Variants in ADGRD2 observed in about 807,000 individuals in gnomAD.
ADGRD2 encodes the protein G protein-coupled receptor PGR24.
Under a neutral mutation model 44.4 loss-of-function variants are expected in ADGRD2, and 71 were observed. The observed-to-expected ratio is 1.60, with a 90% confidence interval of 1.32 to 1.95. ADGRD2 has a LOEUF of 1.95. Among genes scored for constraint, ADGRD2 ranks in the 30% most tolerant of loss-of-function variants. The pLI is 0.00. For missense variants in ADGRD2, 1,039 were observed against 512.4 expected, an observed-to-expected ratio of 2.03 and a Z score of -9.92; for synonymous variants, 481 against 224.8, an observed-to-expected ratio of 2.14 and a Z score of -10.19.
At chr9:124,464,407 C>T (rs1004736686) in intron 10 of ADGRD2, among the ~76,000 whole-genome samples, 6 of 152,190 alleles carry the variant, frequency 3.9e-5, no homozygotes, top group African/African-American at 7.2e-5. Flanking sequence ...CAAAGCATGG[C>T]GCTGCGTAAT....
chr9:124,475,674 C>A (rs1054254185), intron 19 of ADGRD2, 59 bp downstream of exon 22: 23 of 593,676 alleles, frequency 3.9e-5, no homozygotes, highest in Admixed American at 6.3e-5. Context: ...CAGGTCCCAG[C>A]CCCCATATCC....
chr9:124,475,160 C>T (rs1167633375), intron 17 of ADGRD2, among the ~76,000 whole-genome samples: 3 of 152,246 alleles, frequency 2.0e-5, no homozygotes, highest in African/African-American at 7.2e-5. Flanking sequence ...ACAGGCCCAG[C>T]GTGGGGCACA....
At chr9:124,463,110 C>T (rs1389727173) in intron 10 of ADGRD2, among the ~76,000 whole-genome samples, 3 of 152,202 alleles carry the variant, frequency 2.0e-5, no homozygotes, top group Non-Finnish European at 4.4e-5. Context: ...CAGACTTTCA[C>T]CACTAAATGC....
upstream of ADGRD2, among the ~76,000 whole-genome samples, chr9:124,450,942 C>T (rs988316771): frequency 2.0e-5 from 3 of 152,220 alleles, no homozygotes; most frequent in African/African-American, 7.2e-5. Flanking sequence ...CTCTTCCCTG[C>T]CTGCAGAGCC....
intron 21 of ADGRD2, 149 bp from the exon 25 acceptor site, chr9:124,478,132 T>G (rs1171941019): frequency 6.6e-6 from 1 of 152,366 alleles, no homozygotes; most frequent in Non-Finnish European, 1.5e-5. Context: ...CCTCAGGGCA[T>G]GCGGATGTTC....
intron 17 of ADGRD2, among the ~76,000 whole-genome samples, chr9:124,472,911 G>A (rs562857100): frequency 5.3e-5 from 8 of 152,318 alleles, no homozygotes; most frequent in East Asian, 3.9e-4. Context: ...ACGGTCACCC[G>A]GTGAAGGCAA....
At chr9:124,451,634 C>G, upstream of ADGRD2, 1 of 270,400 alleles carries the variant, frequency 3.7e-6, no homozygotes, top group Non-Finnish European at 7.2e-6. Flanking sequence ...CCTGTGACCC[C>G]TGCTGTCTGT....
intron 11 of ADGRD2, 56 bp from the exon 15 acceptor site, chr9:124,467,665 C>A: frequency 1.4e-6 from 1 of 712,630 alleles, no homozygotes; most frequent in South Asian, 1.5e-5. Flanking sequence ...GGGGCGAGTT[C>A]TGGCCTGGGT....
chr9:124,453,145 C>CGG lies in ADGRD2; in HGVS notation c.392_393insGG (p.Gln132ArgfsTer134). On this transcript the variant is annotated frameshift_variant, in exon 3 of 22. Transcript: ENST00000334810. LOFTEE classifies it high-confidence loss of function. The stretch of plus-strand genomic sequence containing the variant: ...AGCGCTGACCGCGTGTACTCACGTG[C>CGG]AGTGGGACTGTGCCTCGCCCGACCC... The CGG allele has an allele frequency of 1.4e-6, 1 of 701,594 alleles. No individual in the cohort carries two copies. Among genetic ancestry groups the CGG allele is most frequent in the South Asian group, 1.5e-5 (1 of 67,484 alleles). The allele number at this position is 701,594 out of a possible 1,614,324, so 43.5% of individuals were successfully genotyped here. A position where few individuals can be genotyped will look rare whatever the true frequency, so the allele number is the denominator to read the frequency against.
chr9:124,477,690 T>G (rs1832073492), intron 21 of ADGRD2, among the ~76,000 whole-genome samples: 1 of 152,016 alleles, frequency 6.6e-6, no homozygotes, highest in Non-Finnish European at 1.5e-5. Context: ...CCAGCCCCCA[T>G]CCCCGGCTGG....
chr9:124,475,545 A>G (rs1394007087), intron 18 of ADGRD2, 26 bp from the exon 22 acceptor site: 1 of 715,614 alleles, frequency 1.4e-6, no homozygotes, highest in Non-Finnish European at 2.6e-6. Flanking sequence ...GAGGGTCCCC[A>G]GCCTGACCTC....
chr9:124,471,578 A>C (rs1316752830), intron 17 of ADGRD2, among the ~76,000 whole-genome samples: 1 of 152,156 alleles, frequency 6.6e-6, no homozygotes, highest in African/African-American at 2.4e-5. Flanking sequence ...AGACCTCATG[A>C]GGTCACTTGC....
intron 10 of ADGRD2, among the ~76,000 whole-genome samples, chr9:124,464,089 C>T (rs1831768344): frequency 6.6e-6 from 1 of 152,036 alleles, no homozygotes. Flanking sequence ...ATCCTCCTGC[C>T]TCAGCCTCCC....
chr9:124,462,693 ACTGTTCATTG>A lies in ADGRD2; in HGVS notation c.1871-3562_1871-3553del, dbSNP rs1433938730. Among the ~76,000 whole-genome samples the A allele has an allele frequency of 2.0e-5, 3 of 152,332 alleles. No homozygotes were observed. In the South Asian group the frequency reaches 6.2e-4, roughly 32 times the overall value. ...AATGATATTGTTTTCTTAATTTTAA[ACTGTTCATTG>A]CTAGTATATAGTAATATAATTGATT... On this transcript the variant is annotated intron_variant, in intron 10 of 21. Transcript: ENST00000334810.
intron 12 of ADGRD2, 98 bp from the exon 16 acceptor site, chr9:124,467,990 C>T (rs1299584792): frequency 2.8e-6 from 2 of 710,702 alleles, no homozygotes; most frequent in Middle Eastern, 2.3e-4. Flanking sequence ...TCTTTCCCTC[C>T]ATCTGCCCAG....
At chr9:124,451,766 T>G, upstream of ADGRD2, 2 of 298,744 alleles carry the variant, frequency 6.7e-6, no homozygotes, top group Non-Finnish European at 6.4e-6. Flanking sequence ...GCTTCAAGGG[T>G]TCCAAGTGGC....
At chr9:124,464,114 C>T (rs908815105) in intron 10 of ADGRD2, among the ~76,000 whole-genome samples, 1 of 151,890 alleles carries the variant, frequency 6.6e-6, no homozygotes, top group African/African-American at 2.4e-5. Flanking sequence ...TGAGCCACCA[C>T]GCCCAGCCTT....
Position 124,477,031 on chromosome 9 carries a change from C to A in ADGRD2, c.*18+322C>A, listed in dbSNP as rs150427689. The A allele has an allele frequency of 2.2e-3, 1,365 of 616,122 alleles. 27 individuals carry two copies. The East Asian group carries it at 0.03, about 13-fold the overall frequency. The allele number at this position is 616,122 out of a possible 1,614,324, so 38.2% of individuals were successfully genotyped here. On this transcript the variant is annotated intron_variant, in intron 21 of 21. Coordinates refer to ENST00000334810, the Ensembl canonical transcript of ADGRD2. ...CTGCCAAGGAGCACAGCCTGCCTTTCTCTGTCCTCCCCCTCTTTCTGCCCC... is the reference window on the plus strand; with the variant it reads ...CTGCCAAGGAGCACAGCCTGCCTTTATCTGTCCTCCCCCTCTTTCTGCCCC...
chr9:124,453,706 C>T lies in ADGRD2; in HGVS notation c.923+30C>T, dbSNP rs75599067. ...GACCCGCCCCGCCCCGGCCCCACCCCATGGCCCCGAATCCTTCCCTTCCGA... is the reference window on the plus strand; with the variant it reads ...GACCCGCCCCGCCCCGGCCCCACCCTATGGCCCCGAATCCTTCCCTTCCGA... On this transcript the variant is annotated intron_variant, in intron 3 of 21. Coordinates refer to ENST00000334810, the Ensembl canonical transcript of ADGRD2. 744 of 679,934 alleles carry T rather than the reference C, an allele frequency of 1.1e-3. 5 individuals carry two copies. In the African/African-American group the frequency reaches 0.012, roughly 11 times the overall value. The allele number at this position is 679,934 out of a possible 1,614,324, so 42.1% of individuals were successfully genotyped here.
Sources: allele counts gnomAD v4.1 joint callset (sites outside exome capture counted in the v4.1 genomes callset), GRCh38; gene constraint gnomAD v4.1.1; transcripts MANE v1.5; gene names NCBI Gene and HGNC (gene_info 2026-07-23, HGNC 2026-07-21).